The following LTN1 variants were observed in gnomAD, a reference collection of about 807,000 sequenced individuals.
The protein encoded by LTN1 is E3 ubiquitin-protein ligase listerin.
LTN1 carries 88 observed loss-of-function variants against 201.2 expected under a neutral mutation model. That is an observed-to-expected ratio of 0.44 (90% CI 0.37 to 0.52). LTN1 has a LOEUF of 0.52. Among genes scored for constraint, LTN1 ranks in the 20% least tolerant of loss-of-function variants. The pLI is 0.00. For missense variants in LTN1, 1,752 were observed against 2,038.7 expected, an observed-to-expected ratio of 0.86 and a Z score of 2.71; for synonymous variants, 645 against 713.5, an observed-to-expected ratio of 0.90 and a Z score of 1.53.
chr21:28,933,527 T>A (rs1030356979), intron 27 of LTN1, among the ~76,000 whole-genome samples: 2 of 152,332 alleles, frequency 1.3e-5, no homozygotes, highest in Admixed American at 6.5e-5. Context: ...ACATACCTCT[T>A]ATTCACCGTT....
Position 28,928,940 on chromosome 21 carries a change from A to C in LTN1, c.*1508T>G, listed in dbSNP as rs1476916222. 1 of 152,578 alleles carries C rather than the reference A, an allele frequency of 6.6e-6. No individual in the cohort carries two copies. The highest frequency in any genetic ancestry group is 1.5e-5 in the Non-Finnish European group (1 of 67,990). The allele number at this position is 152,578 out of a possible 1,614,324, so 9.5% of individuals were successfully genotyped here. A position where few individuals can be genotyped will look rare whatever the true frequency, so the allele number is the denominator to read the frequency against. ...AGAAAGAGACATAGAAAGATAGAGA[A>C]TATTTTAAGAAAAGGGTTAACGAGG... On this transcript the variant is annotated 3_prime_UTR_variant, in exon 30 of 30. Transcript: ENST00000361371.
At chr21:28,956,019 C>T (rs925968570) in intron 16 of LTN1, among the ~76,000 whole-genome samples, 2 of 150,964 alleles carry the variant, frequency 1.3e-5, no homozygotes, top group South Asian at 2.1e-4. Context: ...AAACCATGCA[C>T]GGAAAGACAA....
chr21:28,963,049 T>C (rs7279885), intron 11 of LTN1, among the ~76,000 whole-genome samples: 2,619 of 152,332 alleles, frequency 0.017, 85 homozygotes, highest in African/African-American at 0.06. Flanking sequence ...GGGTGGTTCA[T>C]GAGGTTTAAA....
chr21:28,951,038 A>C (rs1434951667), intron 18 of LTN1, among the ~76,000 whole-genome samples: 1 of 151,522 alleles, frequency 6.6e-6, no homozygotes, highest in Non-Finnish European at 1.5e-5. Context: ...CACACACACA[A>C]ACATACACAA....
intron 23 of LTN1, 89 bp from the exon 24 acceptor site, chr21:28,943,425 T>A: frequency 6.3e-6 from 5 of 790,228 alleles, no homozygotes; most frequent in Non-Finnish European, 1.1e-5. Context: ...ACTTATTTTA[T>A]AATGAGTAAA....
chr21:28,987,116 A>C (rs763050356), intron 1 of LTN1, among the ~76,000 whole-genome samples, 182 bp from the exon 2 acceptor site: 4 of 152,204 alleles, frequency 2.6e-5, no homozygotes, highest in Non-Finnish European at 5.9e-5. Context: ...CCAAGAATCC[A>C]TCAATACTGA....
chr21:28,981,402 G>A, intron 5 of LTN1, 103 bp from the exon 6 acceptor site: 1 of 636,442 alleles, frequency 1.6e-6, no homozygotes, highest in Non-Finnish European at 2.4e-6. Flanking sequence ...ATCTACCAAA[G>A]TTGCTTTATT....
At chr21:28,988,463 T>C (rs1198811604) in intron 1 of LTN1, among the ~76,000 whole-genome samples, 1 of 138,746 alleles carries the variant, frequency 7.2e-6, no homozygotes, top group East Asian at 2.2e-4. Flanking sequence ...CGAGGCTCTG[T>C]CTCAAAAAAA....
At chr21:28,955,407 ATATGGAAG>A (rs2084416644) in intron 16 of LTN1, among the ~76,000 whole-genome samples, 1 of 132,156 alleles carries the variant, frequency 7.6e-6, no homozygotes, top group Non-Finnish European at 1.6e-5. Context: ...TTGGAAAACG[ATATGGAAG>A]TATTTCAAAA....
intron 16 of LTN1, among the ~76,000 whole-genome samples, chr21:28,955,653 G>T (rs1019109751): frequency 5.3e-5 from 8 of 151,708 alleles, no homozygotes; most frequent in Admixed American, 5.3e-4. Flanking sequence ...GGCCAGGCAC[G>T]GTAGCTCACT....
chr21:28,945,514 A>AT (rs2084330335), intron 21 of LTN1, among the ~76,000 whole-genome samples: 1 of 152,254 alleles, frequency 6.6e-6, no homozygotes, highest in Non-Finnish European at 1.5e-5. Flanking sequence ...AATAATTGTC[A>AT]TTAACAGATA....
At chr21:28,979,510 GA>G (rs1381040258) in intron 6 of LTN1, among the ~76,000 whole-genome samples, 1 of 152,104 alleles carries the variant, frequency 6.6e-6, no homozygotes, top group African/African-American at 2.4e-5. Flanking sequence ...GATCTCTTTT[GA>G]AAAAGTAATA....
intron 6 of LTN1, among the ~76,000 whole-genome samples, chr21:28,975,611 G>A (rs559665706): frequency 7.6e-4 from 116 of 152,186 alleles, no homozygotes; most frequent in Middle Eastern, 3.4e-3. Flanking sequence ...TGTTTCCCTC[G>A]TGTCCATGGG....
chr21:28,974,124 A>C (rs1466695665), intron 6 of LTN1, among the ~76,000 whole-genome samples: 2 of 152,174 alleles, frequency 1.3e-5, no homozygotes, highest in African/African-American at 4.8e-5. Flanking sequence ...CCATTCAAAT[A>C]ATAAAAATAA....
chr21:28,948,016 C>G (rs2084352818), intron 18 of LTN1, among the ~76,000 whole-genome samples: 2 of 151,110 alleles, frequency 1.3e-5, no homozygotes, highest in Non-Finnish European at 1.5e-5. Context: ...CATAGTGATA[C>G]CCCATCTCTA....
chr21:28,953,913 T>C (rs530894952), intron 16 of LTN1, among the ~76,000 whole-genome samples: 1 of 152,288 alleles, frequency 6.6e-6, no homozygotes, highest in Non-Finnish European at 1.5e-5. Context: ...AATGGCCAAG[T>C]ATCTATCATA....
chr21:28,965,178 A>C (rs964402110), intron 11 of LTN1, among the ~76,000 whole-genome samples: 2 of 152,194 alleles, frequency 1.3e-5, no homozygotes, highest in African/African-American at 4.8e-5. Flanking sequence ...ATAGAAAAAA[A>C]CTTGCAAATT....
Position 28,936,841 on chromosome 21 carries a change from T to C in LTN1, c.4483-144A>G, listed in dbSNP as rs558722012. 6.1e-4 allele frequency: 403 copies of C among 655,968 alleles called. 1 individual carries two copies. The highest frequency in any genetic ancestry group is 8.8e-4 in the Non-Finnish European group (333 of 377,958). The allele number at this position is 655,968 out of a possible 1,614,324, so 40.6% of individuals were successfully genotyped here. ...TCATTATTGTAACACATTTCTAATATCTTTCTCAAATTGTCTTCCTGTATT... is the reference window on the plus strand; with the variant it reads ...TCATTATTGTAACACATTTCTAATACCTTTCTCAAATTGTCTTCCTGTATT... On this transcript the variant is annotated intron_variant, in intron 25 of 29. Coordinates refer to ENST00000361371, the MANE Select transcript of LTN1 (RefSeq NM_015565.3).
chr21:28,990,787 C>T (rs1237515406), intron 1 of LTN1, among the ~76,000 whole-genome samples: 1 of 152,106 alleles, frequency 6.6e-6, no homozygotes, highest in East Asian at 1.9e-4. Flanking sequence ...AAACAAATGG[C>T]CCAGGCTCTT....
Sources: allele counts gnomAD v4.1 joint callset (sites outside exome capture counted in the v4.1 genomes callset), GRCh38; gene constraint gnomAD v4.1.1; transcripts MANE v1.5; gene names NCBI Gene and HGNC (gene_info 2026-07-23, HGNC 2026-07-21).